Variants in ZNF710 observed in about 807,000 individuals in gnomAD.
The protein encoded by ZNF710 is zinc finger protein 710.
Under a neutral mutation model 50.6 loss-of-function variants are expected in ZNF710, and 13 were observed. That is an observed-to-expected ratio of 0.26 (90% CI 0.17 to 0.41). ZNF710 has a LOEUF of 0.41. Among genes scored for constraint, ZNF710 ranks in the 10% least tolerant of loss-of-function variants. The pLI is 1.00. For missense variants in ZNF710, 721 were observed against 936.6 expected, an observed-to-expected ratio of 0.77 and a Z score of 3.01; for synonymous variants, 383 against 397.0, an observed-to-expected ratio of 0.96 and a Z score of 0.42.
At chr15:90,079,083 C>T (rs984994282) in intron 4 of ZNF710, among the ~76,000 whole-genome samples, 1 of 152,172 alleles carries the variant, frequency 6.6e-6, no homozygotes, top group Non-Finnish European at 1.5e-5. Context: ...CGGCAGGAGG[C>T]CTCACCCTCC....
At chr15:90,045,579 C>T (rs751783519) in intron 1 of ZNF710, among the ~76,000 whole-genome samples, 2 of 151,964 alleles carry the variant, frequency 1.3e-5, no homozygotes, top group Non-Finnish European at 2.9e-5. Context: ...GGCCTGTGAG[C>T]TCAGAGAGGG....
chr15:90,043,038 G>A (rs551200866), intron 1 of ZNF710, among the ~76,000 whole-genome samples: 69 of 152,330 alleles, frequency 4.5e-4, no homozygotes, highest in African/African-American at 1.4e-3. Flanking sequence ...AGCAGGCGGC[G>A]GGCTTCTTTG....
chr15:90,073,214 C>G lies in ZNF710; in HGVS notation c.1602C>G (p.Leu534=), dbSNP rs777354963. The G allele has an allele frequency of 1.2e-6, 2 of 1,614,192 alleles. No individual in the cohort carries two copies. The highest frequency in any genetic ancestry group is 1.7e-6 in the Non-Finnish European group (2 of 1,180,028). The stretch of plus-strand genomic sequence containing the variant: ...AGACCTTTGTACAGAAGCAGACTCT[C>G]AAGACCCACATGATTGTACACTCGC... The part of the protein sequence containing the change: ...CFKTFVQKQT[L]KTHMIVHSPV... Residue 534 remains leucine (L), a synonymous_variant, in exon 3 of 5, where the codon CTC becomes CTG. Transcript: ENST00000268154.
chr15:89,998,716 C>T (rs185051168), upstream of ZNF710, among the ~76,000 whole-genome samples: 51 of 152,288 alleles, frequency 3.3e-4, no homozygotes, highest in Non-Finnish European at 6.5e-4. Flanking sequence ...GTTTGAGCCT[C>T]ACAACAAACT....
At chr15:90,066,113 A>G (rs1420523877) in intron 1 of ZNF710, among the ~76,000 whole-genome samples, 1 of 152,248 alleles carries the variant, frequency 6.6e-6, no homozygotes, top group Non-Finnish European at 1.5e-5. Flanking sequence ...AATGTATAAC[A>G]TTTAGCTAAT....
At position 90,067,267 on chromosome 15, in the gene ZNF710, T is replaced by C; in HGVS notation, c.130T>C (p.Tyr44His). The change falls in exon 2 of 5, where the codon TAC (tyrosine) becomes CAC (histidine). Residue 44 changes from tyrosine (Y) to histidine (H), a missense_variant. By Grantham distance (83) the Tyr-to-His change is moderately conservative. Around this residue, in one of 3 missense-constraint regions of ZNF710, gnomAD observed 326 missense variants for 347.1 expected, o/e 0.94. Coordinates refer to ENST00000268154, the MANE Select transcript of ZNF710 (RefSeq NM_198526.4). This position sits in a 1 kb window ranked among gnomAD's most constrained non-coding sequence, Gnocchi z 8.1. ...AGCTACCATAAGCGCCGAGGCCTTC[T>C]ACCCGGACCTGGGGCCCGAGCTTTC... Reference protein sequence around the residue: ...FGATISAEAFYPDLGPELSGA... With the variant: ...FGATISAEAFHPDLGPELSGA... 1 of 1,613,040 alleles carries C rather than the reference T, an allele frequency of 6.2e-7. No individual in the cohort carries two copies. Among genetic ancestry groups the C allele is most frequent in the Non-Finnish European group, 8.5e-7 (1 of 1,179,754 alleles).
intron 1 of ZNF710, among the ~76,000 whole-genome samples, chr15:90,065,280 C>G (rs1042061122): frequency 2.0e-5 from 3 of 152,126 alleles, no homozygotes; most frequent in African/African-American, 7.2e-5. Context: ...GAAGGGCCGC[C>G]GACCGTGTGC....
intron 1 of ZNF710, among the ~76,000 whole-genome samples, chr15:90,004,829 C>T (rs1474913108): frequency 1.3e-5 from 2 of 152,184 alleles, no homozygotes; most frequent in Non-Finnish European, 2.9e-5. Context: ...GTAAATGGAG[C>T]GCCTCATTTT....
In ZNF710 at chr15:90,068,976, C is replaced by A. The variant is rs1279652235; in HGVS notation, c.1458+381C>A. Among the ~76,000 whole-genome samples, 2 of 151,992 alleles carry A rather than the reference C, an allele frequency of 1.3e-5. No individual in the cohort carries two copies. Among genetic ancestry groups the A allele is most frequent in the Non-Finnish European group, 2.9e-5 (2 of 68,012 alleles). On this transcript the variant is annotated intron_variant, in intron 2 of 4. Transcript: ENST00000268154. This position sits in a 1 kb window ranked among gnomAD's most constrained non-coding sequence, Gnocchi z 5.0. ...GGCGTGATGGCTCATGCCTGTAATC[C>A]CAGCACTTTGCGAGGCCAAGGCGGG...
upstream of ZNF710, among the ~76,000 whole-genome samples, chr15:89,999,869 T>C (rs1021805954): frequency 4.0e-5 from 6 of 150,888 alleles, no homozygotes; most frequent in Admixed American, 4.0e-4. Flanking sequence ...GTGGGAGGAA[T>C]TGATGAGGAG....
At chr15:90,002,176 C>G (rs1214474168) in intron 1 of ZNF710, among the ~76,000 whole-genome samples, 1 of 151,416 alleles carries the variant, frequency 6.6e-6, no homozygotes. Flanking sequence ...TACGGCTGCC[C>G]ACAAACTTTA....
rs1471739008 is a variant in ZNF710 at position 90,059,912 on chromosome 15, C to T, written c.-28-7198C>T. ...TCCTCTTCTCCTCCCACCTGGTTAC[C>T]TGTCCCGCCCACTCCAGCTTCAGCC... is the stretch of plus-strand genomic sequence containing the variant. On this transcript the variant is annotated intron_variant, in intron 1 of 4. Coordinates refer to ENST00000268154, the MANE Select transcript of ZNF710 (RefSeq NM_198526.4). This position sits in a 1 kb window ranked among gnomAD's most constrained non-coding sequence, Gnocchi z 4.1. Among the ~76,000 whole-genome samples the T allele has an allele frequency of 2.0e-5, 3 of 152,208 alleles. No individual in the cohort carries two copies.
chr15:90,005,638 C>T (rs539864315), intron 1 of ZNF710, among the ~76,000 whole-genome samples: 5 of 152,098 alleles, frequency 3.3e-5, no homozygotes, highest in African/African-American at 4.8e-5. Flanking sequence ...TTAGTAGAGA[C>T]GGGGTTTCAC....
At position 90,068,687 on chromosome 15, in the gene ZNF710, G is replaced by GT; in HGVS notation, c.1458+93dup. The GT allele has an allele frequency of 7.2e-7, 1 of 1,385,278 alleles. No individual in the cohort carries two copies. The highest frequency in any genetic ancestry group is 1.4e-5 in the African/African-American group (1 of 69,316). 85.8% of individuals were successfully genotyped at this position (1,385,278 alleles called of 1,614,324 possible). On this transcript the variant is annotated intron_variant, in intron 2 of 4. Transcript: ENST00000268154. This position sits in a 1 kb window ranked among gnomAD's most constrained non-coding sequence, Gnocchi z 5.0. ...CAAAGTCCCAGATGGGACCATTTAG[G>GT]TGGTCTCCTAGTTTTATCGTTACGT... is the stretch of plus-strand genomic sequence containing the variant.
intron 1 of ZNF710, among the ~76,000 whole-genome samples, chr15:90,057,983 C>CTCT (rs1323238069): frequency 2.0e-5 from 3 of 152,158 alleles, no homozygotes; most frequent in Non-Finnish European, 4.4e-5. Flanking sequence ...GTACTGTGAC[C>CTCT]TCTTAGAGGA....
chr15:89,999,238 G>A (rs1490932064), upstream of ZNF710, among the ~76,000 whole-genome samples: 2 of 148,284 alleles, frequency 1.3e-5, no homozygotes, highest in Middle Eastern at 3.2e-3. Context: ...TGCCTGTATC[G>A]CATGGCACTG....
At chr15:90,031,527 C>A (rs200627995) in intron 1 of ZNF710, among the ~76,000 whole-genome samples, 106 of 152,290 alleles carry the variant, frequency 7.0e-4, no homozygotes, top group African/African-American at 2.4e-3. Context: ...ACAGGAAGTT[C>A]TAAAAAACTG....
chr15:90,050,243 C>T (rs1042389286), intron 1 of ZNF710, among the ~76,000 whole-genome samples: 2 of 152,198 alleles, frequency 1.3e-5, no homozygotes, highest in African/African-American at 2.4e-5. Context: ...GTAGTGGCTT[C>T]GGGAGGCAGC....
Position 90,067,077 on chromosome 15 carries a change from CA to C in ZNF710, c.-28-32del. On this transcript the variant is annotated intron_variant, in intron 1 of 4. Transcript: ENST00000268154. The surrounding 1 kb of genome is among the most constrained non-coding windows in gnomAD (Gnocchi z 8.1). ...GTTGTCTGTCTGTGCAGGAGTGAGC[CA>C]GCAATATTAACCTTCCCTTCTCCAC... The C allele has an allele frequency of 6.5e-7, 1 of 1,531,320 alleles. No homozygotes were observed. Among genetic ancestry groups the C allele is most frequent in the Non-Finnish European group, 8.8e-7 (1 of 1,139,498 alleles). 94.9% of individuals were successfully genotyped at this position (1,531,320 alleles called of 1,614,324 possible).
Sources: gnomAD v4.1 joint callset for allele counts (sites outside exome capture counted in the v4.1 genomes callset) on GRCh38, gnomAD v4.1.1 for gene constraint, gnomAD v4.1.1 regional missense constraint, Gnocchi (gnomAD v3.1) non-coding constraint, MANE v1.5 for transcripts, NCBI Gene and HGNC (gene_info 2026-07-23, HGNC 2026-07-21) for gene names.